The following CCDC149 variants were observed in gnomAD, a reference collection of about 807,000 sequenced individuals.
The protein encoded by CCDC149 is coiled-coil domain containing 149.
In CCDC149, 45 loss-of-function variants were observed where a neutral mutation model predicts 59.9. The ratio of observed to expected loss-of-function variants is 0.75; its 90% CI spans 0.59 to 0.96. CCDC149 has a LOEUF of 0.96. Ranked by LOEUF, CCDC149 falls within the 40% of genes least tolerant of loss-of-function variation. CCDC149 has a pLI of 0.00. For missense variants in CCDC149, 584 were observed against 664.7 expected, an observed-to-expected ratio of 0.88 and a Z score of 1.33; for synonymous variants, 245 against 260.6, an observed-to-expected ratio of 0.94 and a Z score of 0.58.
At chr4:24,805,023 A>G (rs190517252), downstream of CCDC149, among the ~76,000 whole-genome samples, 30 of 152,276 alleles carry the variant, frequency 2.0e-4, no homozygotes, top group East Asian at 5.4e-3. Context: ...GAAGGTGTGG[A>G]AGGAGGAAGA....
chr4:24,852,284 CCATACACACACA>C (rs1473623484), intron 4 of CCDC149, among the ~76,000 whole-genome samples: 12 of 109,364 alleles, frequency 1.1e-4, no homozygotes, highest in East Asian at 9.5e-4. Flanking sequence ...CTCCAACACA[CCATACACACACA>C]CACACACACA....
At chr4:24,879,855 C>T (rs1455617400) in intron 1 of CCDC149, among the ~76,000 whole-genome samples, 1 of 152,254 alleles carries the variant, frequency 6.6e-6, no homozygotes, top group South Asian at 2.1e-4. Flanking sequence ...GATTCTTATC[C>T]AGCCCATACT....
At chr4:24,852,996 T>C in intron 4 of CCDC149, 76 bp downstream of exon 4, 1 of 893,394 alleles carries the variant, frequency 1.1e-6, no homozygotes, top group Non-Finnish European at 1.8e-6. Context: ...GCATTACATT[T>C]TTCCGATGTG....
intron 3 of CCDC149, among the ~76,000 whole-genome samples, chr4:24,858,049 C>T (rs755531307): frequency 2.0e-5 from 3 of 152,120 alleles, no homozygotes; most frequent in Non-Finnish European, 4.4e-5. Flanking sequence ...GAAAGTAGTA[C>T]ATTTCAAAGT....
At chr4:24,898,172 T>A (rs901710954) in intron 1 of CCDC149, among the ~76,000 whole-genome samples, 1 of 151,818 alleles carries the variant, frequency 6.6e-6, no homozygotes, top group Admixed American at 6.6e-5. Context: ...CGGGGAAGGG[T>A]TTTCCCAAAG....
chr4:24,893,537 C>T (rs1720648284), intron 1 of CCDC149, among the ~76,000 whole-genome samples: 1 of 148,776 alleles, frequency 6.7e-6, no homozygotes, highest in Admixed American at 6.8e-5. Flanking sequence ...AGTAAGTAAG[C>T]AGTACATCAG....
intron 1 of CCDC149, among the ~76,000 whole-genome samples, chr4:24,927,131 G>C (rs1396830418): frequency 6.6e-6 from 1 of 152,170 alleles, no homozygotes; most frequent in Non-Finnish European, 1.5e-5. Flanking sequence ...AGAATATCAA[G>C]GTCATATTGT....
intron 1 of CCDC149, among the ~76,000 whole-genome samples, chr4:24,966,544 C>G (rs185419285): frequency 1.3e-5 from 2 of 152,246 alleles, no homozygotes; most frequent in Admixed American, 1.3e-4. Flanking sequence ...GGAAGATGCT[C>G]CACCCACAGT....
At chr4:24,905,886 A>T (rs1206245327) in intron 1 of CCDC149, among the ~76,000 whole-genome samples, 1 of 151,998 alleles carries the variant, frequency 6.6e-6, no homozygotes, top group Non-Finnish European at 1.5e-5. Flanking sequence ...ACAATTCTCC[A>T]CTCATCCCTA....
chr4:24,838,395 C>A, intron 4 of CCDC149, 123 bp from the exon 5 acceptor site: 1 of 695,586 alleles, frequency 1.4e-6, no homozygotes, highest in South Asian at 1.7e-5. Flanking sequence ...GGAGAAAGCA[C>A]AAAACAATTA....
At chr4:24,884,133 T>A (rs1527353) in intron 1 of CCDC149, among the ~76,000 whole-genome samples, 1 of 152,018 alleles carries the variant, frequency 6.6e-6, no homozygotes, top group Non-Finnish European at 1.5e-5. Context: ...AGGGAATGCT[T>A]AGGTCTAAGA....
chr4:24,873,197 A>G (rs764161069), intron 3 of CCDC149, among the ~76,000 whole-genome samples: 6 of 151,608 alleles, frequency 4.0e-5, no homozygotes, highest in African/African-American at 9.7e-5. Flanking sequence ...CCCACAGAAC[A>G]GTATGCACCC....
At chr4:24,821,945 A>G (rs989955730) in intron 10 of CCDC149, among the ~76,000 whole-genome samples, 2 of 152,198 alleles carry the variant, frequency 1.3e-5, no homozygotes, top group African/African-American at 4.8e-5. Context: ...GGAAGGGAAG[A>G]GAAGGAGGTG....
chr4:24,924,246 GAA>G (rs57456696), intron 1 of CCDC149, among the ~76,000 whole-genome samples: 4 of 125,438 alleles, frequency 3.2e-5, no homozygotes, highest in African/African-American at 2.9e-5. Flanking sequence ...CTTTATAGCT[GAA>G]AAAAAAAAAA....
intron 3 of CCDC149, among the ~76,000 whole-genome samples, chr4:24,857,842 A>G (rs369899437): frequency 6.6e-6 from 1 of 152,188 alleles, no homozygotes; most frequent in Non-Finnish European, 1.5e-5. Context: ...TGGGGGTGGC[A>G]CCACTGCTTC....
intron 1 of CCDC149, among the ~76,000 whole-genome samples, chr4:24,887,100 G>A (rs1170287259): frequency 1.3e-5 from 2 of 152,168 alleles, no homozygotes; most frequent in South Asian, 2.1e-4. Flanking sequence ...CATCCTAAAA[G>A]CCCAAACCAT....
At chr4:24,812,184 A>G (rs972519832) in intron 12 of CCDC149, among the ~76,000 whole-genome samples, 1 of 152,234 alleles carries the variant, frequency 6.6e-6, no homozygotes, top group African/African-American at 2.4e-5. Context: ...ATTTTGCCAT[A>G]TAAGGTAACA....
At chr4:24,870,050 A>T (rs1202389681) in intron 3 of CCDC149, among the ~76,000 whole-genome samples, 2 of 152,218 alleles carry the variant, frequency 1.3e-5, no homozygotes, top group African/African-American at 4.8e-5. Context: ...AAGGAAGCTG[A>T]TACTAAATGT....
At chr4:24,926,377 C>T (rs1158149417) in intron 1 of CCDC149, among the ~76,000 whole-genome samples, 1 of 152,192 alleles carries the variant, frequency 6.6e-6, no homozygotes, top group East Asian at 1.9e-4. Context: ...TCTTCCACTG[C>T]ATAACAAGGA....
Sources: allele counts gnomAD v4.1 joint callset (sites outside exome capture counted in the v4.1 genomes callset), GRCh38; gene constraint gnomAD v4.1.1; transcripts MANE v1.5; gene names NCBI Gene and HGNC (gene_info 2026-07-23, HGNC 2026-07-21).